The following DIAPH3 variants were observed in gnomAD, a reference collection of about 807,000 sequenced individuals.
DIAPH3 encodes protein diaphanous homolog 3.
DIAPH3 carries 117 observed loss-of-function variants against 144.3 expected under a neutral mutation model. That is an observed-to-expected ratio of 0.81 (90% CI 0.70 to 0.95). The LOEUF (loss-of-function observed/expected upper bound fraction) is 0.95, where lower values mean the gene tolerates loss of function less well. DIAPH3 is among the 40% of genes least tolerant of loss of function. The pLI, the probability that DIAPH3 is intolerant of heterozygous loss-of-function variation, is 0.00. For synonymous variants in DIAPH3, 519 were observed against 488.9 expected, an observed-to-expected ratio of 1.06 and a Z score of -0.81; for missense variants, 1,421 against 1,412.7, an observed-to-expected ratio of 1.01 and a Z score of -0.09.
intron 27 of DIAPH3, among the ~76,000 whole-genome samples, chr13:59,773,203 T>G (rs1321716751): frequency 6.6e-6 from 1 of 152,174 alleles, no homozygotes; most frequent in East Asian, 1.9e-4. Flanking sequence ...ATTTTTACCT[T>G]TACTGTCATT....
At chr13:60,058,908 T>C (rs1051741686) in intron 4 of DIAPH3, among the ~76,000 whole-genome samples, 2 of 151,834 alleles carry the variant, frequency 1.3e-5, no homozygotes, top group Non-Finnish European at 2.9e-5. Flanking sequence ...AAAATTACCT[T>C]TTGGGTACAA....
rs570740080 is a variant in DIAPH3, at chr13:59,714,339, G to T, written c.3320-47493C>A. On this transcript the variant is annotated intron_variant, in intron 27 of 27. Coordinates refer to ENST00000400324, the MANE Select transcript of DIAPH3 (RefSeq NM_001042517.2). ...CCCGCCACTGCACTCCAGCCTGGGC[G>T]ACAGAGCGAGACTCCGTCTCAAAAA... 3.0e-3 allele frequency among the ~76,000 whole-genome samples: 402 copies of T among 131,942 alleles called. 2 individuals carry two copies. The highest frequency in any genetic ancestry group is 0.01 in the African/African-American group (350 of 34,520). The allele number at this position is 131,942 out of a possible 152,430, so 86.6% of individuals were successfully genotyped here.
intron 25 of DIAPH3, among the ~76,000 whole-genome samples, chr13:59,809,633 T>A (rs2040372685): frequency 6.6e-6 from 1 of 152,232 alleles, no homozygotes; most frequent in Non-Finnish European, 1.5e-5. Context: ...TCTCCATTTT[T>A]ATTCATACTT....
chr13:59,880,132 G>A (rs1256947335), intron 20 of DIAPH3, among the ~76,000 whole-genome samples: 2 of 152,126 alleles, frequency 1.3e-5, no homozygotes, highest in African/African-American at 4.8e-5. Context: ...CCCTGTCTGG[G>A]ACTCTAGGTT....
At chr13:59,907,687 T>A (rs73543287) in intron 20 of DIAPH3, among the ~76,000 whole-genome samples, 1 of 152,206 alleles carries the variant, frequency 6.6e-6, no homozygotes, top group South Asian at 2.1e-4. Context: ...AATGAGTGCA[T>A]GTCCAGTGAC....
At chr13:59,800,714 G>C (rs2039860249) in intron 25 of DIAPH3, among the ~76,000 whole-genome samples, 1 of 152,080 alleles carries the variant, frequency 6.6e-6, no homozygotes, top group African/African-American at 2.4e-5. Flanking sequence ...CCCATGGAAC[G>C]GGTCTCTGAA....
At chr13:60,115,017 C>T (rs2058666239) in intron 2 of DIAPH3, among the ~76,000 whole-genome samples, 1 of 152,120 alleles carries the variant, frequency 6.6e-6, no homozygotes, top group Admixed American at 6.5e-5. Context: ...TCAATTAATA[C>T]ATTGCTGTAT....
chr13:59,777,797 G>T (rs1013674994), intron 25 of DIAPH3, among the ~76,000 whole-genome samples: 9 of 152,088 alleles, frequency 5.9e-5, no homozygotes, highest in African/African-American at 1.9e-4. Flanking sequence ...ATAAAGAGAG[G>T]AAGAAATAGA....
chr13:59,880,124 C>A (rs1379546324), intron 20 of DIAPH3, among the ~76,000 whole-genome samples: 5 of 152,140 alleles, frequency 3.3e-5, no homozygotes, highest in African/African-American at 1.2e-4. Context: ...CAAGTTAACC[C>A]TGTCTGGGAC....
intron 2 of DIAPH3, among the ~76,000 whole-genome samples, chr13:60,128,647 A>G (rs2059055067): frequency 6.6e-6 from 1 of 152,156 alleles, no homozygotes; most frequent in South Asian, 2.1e-4. Flanking sequence ...AACTACATAT[A>G]ATAAAGAATA....
At chr13:59,822,601 T>C (rs2041130950) in intron 24 of DIAPH3, among the ~76,000 whole-genome samples, 1 of 151,976 alleles carries the variant, frequency 6.6e-6, no homozygotes, top group African/African-American at 2.4e-5. Flanking sequence ...CCAACATGCC[T>C]GGCTAATTTT....
chr13:59,871,131 T>C (rs2044244291), intron 21 of DIAPH3, among the ~76,000 whole-genome samples: 1 of 148,730 alleles, frequency 6.7e-6, no homozygotes, highest in South Asian at 2.2e-4. Flanking sequence ...GGTGACCTCA[T>C]AATCTAAAAC....
At chr13:60,028,852 A>AGATC (rs2054572921) in intron 5 of DIAPH3, among the ~76,000 whole-genome samples, 2 of 152,128 alleles carry the variant, frequency 1.3e-5, no homozygotes, top group Admixed American at 1.3e-4. Flanking sequence ...CAAGGTCAGG[A>AGATC]GATCGAGACC....
chr13:60,143,891 C>T lies in DIAPH3; in HGVS notation c.181-10902G>A, dbSNP rs1422456875. ...CTCAGGAGACTCACAGTCAGATGGA[C>T]GAATCAGATGTGAGGTAAACAGATT... On this transcript the variant is annotated intron_variant, in intron 1 of 27. Transcript: ENST00000400324. 3.3e-5 allele frequency among the ~76,000 whole-genome samples: 5 copies of T among 152,080 alleles called. No homozygotes were observed. In the East Asian group the frequency reaches 5.8e-4, roughly 18 times the overall value.
intron 27 of DIAPH3, among the ~76,000 whole-genome samples, chr13:59,703,338 A>T (rs1283028554): frequency 6.6e-6 from 1 of 152,268 alleles, no homozygotes; most frequent in Non-Finnish European, 1.5e-5. Flanking sequence ...AATTAACTTC[A>T]TCTGTTTAAG....
chr13:59,675,136 G>T (rs566737656), intron 27 of DIAPH3, among the ~76,000 whole-genome samples: 1 of 152,220 alleles, frequency 6.6e-6, no homozygotes, highest in East Asian at 1.9e-4. Flanking sequence ...TGCCATGATG[G>T]CTCATTGTAG....
intron 4 of DIAPH3, among the ~76,000 whole-genome samples, chr13:60,049,420 T>C (rs1182380244): frequency 6.6e-6 from 1 of 152,194 alleles, no homozygotes; most frequent in African/African-American, 2.4e-5. Flanking sequence ...ACTTGAACAA[T>C]TTGTTGCCTC....
chr13:59,923,003 G>A (rs1022042877), intron 18 of DIAPH3, among the ~76,000 whole-genome samples: 1 of 152,098 alleles, frequency 6.6e-6, no homozygotes, highest in African/African-American at 2.4e-5. Flanking sequence ...ATACCCACCT[G>A]GTGGGGTTGT....
At chr13:59,779,323 G>T (rs2038602621) in intron 25 of DIAPH3, among the ~76,000 whole-genome samples, 1 of 152,100 alleles carries the variant, frequency 6.6e-6, no homozygotes, top group Non-Finnish European at 1.5e-5. Context: ...TACCTGTCTA[G>T]GGTTAATGAG....
Sources: gnomAD v4.1 joint callset for allele counts (sites outside exome capture counted in the v4.1 genomes callset) on GRCh38, gnomAD v4.1.1 for gene constraint, MANE v1.5 for transcripts, NCBI Gene and HGNC (gene_info 2026-07-23, HGNC 2026-07-21) for gene names.